NHERF1: variants seen among roughly 807,000 people sequenced by gnomAD.
The protein encoded by NHERF1 is NHERF family PDZ scaffold protein 1.
chr17:74,754,488 C>T, the NHERF1 span, among the ~76,000 whole-genome samples: 2 of 146,748 alleles, frequency 1.4e-5, no homozygotes, highest in South Asian at 4.4e-4. Flanking sequence ...CTGCAACCTC[C>T]GTCTCTCAAG....
At chr17:74,756,273 C>CTTTCTTT in the NHERF1 span, among the ~76,000 whole-genome samples, 30 of 72,016 alleles carry the variant, frequency 4.2e-4, no homozygotes, top group African/African-American at 1.0e-3. Context: ...TTCTTTCTTT[C>CTTTCTTT]TTTTTTTTTT....
At chr17:74,755,486 G>T in the NHERF1 span, among the ~76,000 whole-genome samples, 5 of 152,276 alleles carry the variant, frequency 3.3e-5, no homozygotes, top group South Asian at 1.0e-3. Context: ...CAATGTTTAG[G>T]TCCCTAGGCC....
the NHERF1 span, among the ~76,000 whole-genome samples, chr17:74,750,555 C>T: frequency 6.6e-6 from 1 of 152,154 alleles, no homozygotes; most frequent in South Asian, 2.1e-4. Context: ...GGCCACCAGG[C>T]TCCCACTTCC....
the NHERF1 span, chr17:74,749,336 C>T: frequency 2.0e-6 from 3 of 1,464,134 alleles, no homozygotes; most frequent in African/African-American, 1.4e-5. This position sits in a 1 kb window ranked among gnomAD's most constrained non-coding sequence, Gnocchi z 5.6. Flanking sequence ...GGAGGAGGAT[C>T]CGGAGAGACC....
the NHERF1 span, among the ~76,000 whole-genome samples, chr17:74,759,450 C>G: frequency 2.0e-5 from 3 of 152,254 alleles, no homozygotes; most frequent in South Asian, 2.1e-4. Context: ...AGACCAGGGC[C>G]AGAGGATGGG....
At chr17:74,754,371 ATTTCTTTC>A in the NHERF1 span, among the ~76,000 whole-genome samples, 236 of 128,020 alleles carry the variant, frequency 1.8e-3, no homozygotes, top group African/African-American at 4.5e-3. Context: ...GTTGACATGC[ATTTCTTTC>A]TTTCTTTCTT....
chr17:74,749,210 C>G, the NHERF1 span: 3 of 1,524,152 alleles, frequency 2.0e-6, no homozygotes, highest in Non-Finnish European at 2.6e-6. The surrounding 1 kb of genome is among the most constrained non-coding windows in gnomAD (Gnocchi z 5.6). Context: ...GCAGGCCGAG[C>G]CGCCGGCCGC....
the NHERF1 span, chr17:74,748,759 G>C: frequency 8.0e-7 from 1 of 1,243,428 alleles, no homozygotes; most frequent in Non-Finnish European, 1.1e-6. This position sits in a 1 kb window ranked among gnomAD's most constrained non-coding sequence, Gnocchi z 4.3. Flanking sequence ...CTGCGCTCCC[G>C]GTTCGCTGGA....
the NHERF1 span, chr17:74,748,844 G>A: frequency 4.4e-6 from 7 of 1,590,528 alleles, no homozygotes; most frequent in Admixed American, 1.2e-4. This position sits in a 1 kb window ranked among gnomAD's most constrained non-coding sequence, Gnocchi z 4.3. Context: ...GTCGCAGGGC[G>A]AGATGAGCGC....
At chr17:74,767,959 T>C in the NHERF1 span, 5 of 698,934 alleles carry the variant, frequency 7.2e-6, no homozygotes, top group Non-Finnish European at 1.3e-5. Context: ...CAGCCTGCCC[T>C]CTGATCCCCA....
chr17:74,758,773 C>T, the NHERF1 span, among the ~76,000 whole-genome samples: 58 of 152,296 alleles, frequency 3.8e-4, no homozygotes, highest in Non-Finnish European at 5.9e-4. The surrounding 1 kb of genome is among the most constrained non-coding windows in gnomAD (Gnocchi z 4.3). Context: ...AGCCCTGCCC[C>T]AGCTTGGCGG....
the NHERF1 span, among the ~76,000 whole-genome samples, chr17:74,757,451 C>T: frequency 6.6e-6 from 1 of 152,038 alleles, no homozygotes; most frequent in Non-Finnish European, 1.5e-5. Flanking sequence ...ACATCAGGGC[C>T]ACTACGCAGG....
At chr17:74,748,968 T>G in the NHERF1 span, 1 of 1,607,062 alleles carries the variant, frequency 6.2e-7, no homozygotes, top group Non-Finnish European at 8.5e-7. This position sits in a 1 kb window ranked among gnomAD's most constrained non-coding sequence, Gnocchi z 4.3. Context: ...TACATCCGGC[T>G]GGTGGAGCCC....
the NHERF1 span, chr17:74,763,609 C>T: frequency 7.2e-6 from 10 of 1,390,112 alleles, no homozygotes; most frequent in East Asian, 1.8e-4. Context: ...GGGTCCCAGG[C>T]GAGGGGTGGG....
chr17:74,764,947 T>C, the NHERF1 span, among the ~76,000 whole-genome samples: 1 of 151,822 alleles, frequency 6.6e-6, no homozygotes, highest in Non-Finnish European at 1.5e-5. This position sits in a 1 kb window ranked among gnomAD's most constrained non-coding sequence, Gnocchi z 4.9. Flanking sequence ...AAGATGAGAG[T>C]CAGGTATCTC....
At chr17:74,767,024 T>TGA in the NHERF1 span, 1 of 1,565,824 alleles carries the variant, frequency 6.4e-7, no homozygotes, top group Non-Finnish European at 8.8e-7. Flanking sequence ...TTGGGGTGCA[T>TGA]GAGACAGATC....
chr17:74,763,046 G>C, the NHERF1 span: 1 of 275,636 alleles, frequency 3.6e-6, no homozygotes, highest in Admixed American at 4.9e-5. Context: ...AAGTCGGACA[G>C]CAAGTCCTTA....
At chr17:74,753,611 G>A in the NHERF1 span, among the ~76,000 whole-genome samples, 4 of 152,036 alleles carry the variant, frequency 2.6e-5, no homozygotes, top group Non-Finnish European at 4.4e-5. Context: ...CTTCCTGGCC[G>A]GGCGCAGTGA....
At chr17:74,763,310 T>C in the NHERF1 span, 2 of 1,566,262 alleles carry the variant, frequency 1.3e-6, no homozygotes, top group South Asian at 1.2e-5. Context: ...CCCCTCCACT[T>C]ACCTGCCCCA....
Sources: gnomAD v4.1 joint callset for allele counts (sites outside exome capture counted in the v4.1 genomes callset) on GRCh38, gnomAD v4.1.1 for gene constraint, Gnocchi (gnomAD v3.1) non-coding constraint, MANE v1.5 for transcripts, NCBI Gene and HGNC (gene_info 2026-07-23, HGNC 2026-07-21) for gene names.